Variants in ZNF516 observed in about 807,000 individuals in gnomAD.
ZNF516 encodes the protein zinc finger protein 516.
ZNF516 carries 19 observed loss-of-function variants against 79.7 expected under a neutral mutation model. The observed-to-expected ratio is 0.24, with a 90% CI of 0.17 to 0.35. The LOEUF (loss-of-function observed/expected upper bound fraction) is 0.35, where lower values mean the gene tolerates loss of function less well. Among genes scored for constraint, ZNF516 ranks in the 10% least tolerant of loss-of-function variants. The pLI, the probability that ZNF516 is intolerant of heterozygous loss-of-function variation, is 1.00. For missense variants in ZNF516, 1,678 were observed against 1,679.5 expected (o/e 1.00, Z 0.02); for synonymous variants, 877 against 739.5 (o/e 1.19, Z -3.02).
chr18:76,495,813 C>T, upstream of ZNF516: 2 of 1,029,290 alleles, frequency 1.9e-6, no homozygotes, highest in African/African-American at 3.5e-5. Context: ...CACGGCGTAG[C>T]GTGTGCGTGT....
chr18:76,439,931 C>T (rs1359043171), intron 3 of ZNF516, among the ~76,000 whole-genome samples: 2 of 151,766 alleles, frequency 1.3e-5, no homozygotes, highest in African/African-American at 4.8e-5. Flanking sequence ...GGGGTCAACC[C>T]GGTTTCACAT....
chr18:76,395,067 C>T (rs1469931576), intron 3 of ZNF516, among the ~76,000 whole-genome samples: 1 of 152,206 alleles, frequency 6.6e-6, no homozygotes, highest in African/African-American at 2.4e-5. Context: ...TCAGGCCAGG[C>T]AGGAATATTG....
chr18:76,396,228 A>G (rs1204058088), intron 3 of ZNF516, among the ~76,000 whole-genome samples: 2 of 152,086 alleles, frequency 1.3e-5, no homozygotes, highest in Non-Finnish European at 2.9e-5. Context: ...AAAAAGAAAA[A>G]TCTATGAAAC....
chr18:76,434,021 C>A (rs900722286), intron 3 of ZNF516, among the ~76,000 whole-genome samples: 2 of 151,556 alleles, frequency 1.3e-5, no homozygotes, highest in Non-Finnish European at 3.0e-5. Context: ...CCTTACCCAA[C>A]CCAGCACCTG....
At chr18:76,462,400 A>G (rs1913173508) in intron 2 of ZNF516, among the ~76,000 whole-genome samples, 1 of 152,188 alleles carries the variant, frequency 6.6e-6, no homozygotes. Flanking sequence ...CACTCCTCCA[A>G]CGCCCCTTTA....
rs1419478835 is a variant in ZNF516, at chr18:76,359,127, C to G, written c.*3371G>C. On this transcript the variant is annotated 3_prime_UTR_variant, in exon 7 of 7. Coordinates refer to ENST00000443185, the MANE Select transcript of ZNF516 (RefSeq NM_014643.4). ...AGGGGTGGGGGCCTGTCATACTGGG[C>G]GCTCCTTTCTCTGACGAAGTAACTG... 6.6e-6 allele frequency: 1 copy of G among 152,210 alleles called. No homozygotes were observed. Among genetic ancestry groups the G allele is most frequent in the Non-Finnish European group, 1.5e-5 (1 of 68,050 alleles). The allele number at this position is 152,210 out of a possible 1,614,324, so 9.4% of individuals were successfully genotyped here.
intron 1 of ZNF516, among the ~76,000 whole-genome samples, chr18:76,488,685 A>G (rs1381034597): frequency 2.0e-5 from 3 of 152,256 alleles, no homozygotes; most frequent in Non-Finnish European, 4.4e-5. Context: ...TCAAACATTT[A>G]TAATGCAGAT....
chr18:76,460,746 A>G (rs756839614), intron 2 of ZNF516, among the ~76,000 whole-genome samples: 1 of 152,238 alleles, frequency 6.6e-6, no homozygotes, highest in Non-Finnish European at 1.5e-5. Flanking sequence ...ACCCCGAGAG[A>G]GAGATCACTT....
chr18:76,404,238 G>A (rs2075270191), intron 3 of ZNF516, among the ~76,000 whole-genome samples: 1 of 152,264 alleles, frequency 6.6e-6, no homozygotes, highest in Non-Finnish European at 1.5e-5. Flanking sequence ...GAGCCAGGGG[G>A]GTCCCCAAGG....
chr18:76,462,721 A>G (rs1913199305), intron 2 of ZNF516, among the ~76,000 whole-genome samples: 1 of 151,602 alleles, frequency 6.6e-6, no homozygotes, highest in South Asian at 2.1e-4. Context: ...AAAGGAATGG[A>G]CCCCCCACCC....
chr18:76,402,156 G>A (rs2075239051), intron 3 of ZNF516, among the ~76,000 whole-genome samples: 1 of 152,110 alleles, frequency 6.6e-6, no homozygotes, highest in Admixed American at 6.5e-5. Context: ...ACATCGCCTC[G>A]GTCAACACCA....
intron 1 of ZNF516, among the ~76,000 whole-genome samples, chr18:76,471,930 G>C (rs1019361988): frequency 6.6e-6 from 1 of 152,118 alleles, no homozygotes; most frequent in Admixed American, 6.5e-5. Flanking sequence ...TCCTACCCAG[G>C]ATACAACAGC....
chr18:76,479,055 CAA>C (rs35963834), intron 1 of ZNF516, among the ~76,000 whole-genome samples: 3 of 140,336 alleles, frequency 2.1e-5, no homozygotes, highest in Non-Finnish European at 3.1e-5. Context: ...AGATTCTGTC[CAA>C]AAAAAAAAAA....
intron 6 of ZNF516, among the ~76,000 whole-genome samples, chr18:76,368,001 A>G (rs774543621): frequency 6.6e-6 from 1 of 152,236 alleles, no homozygotes; most frequent in Admixed American, 6.5e-5. Flanking sequence ...CCTAGCATCT[A>G]AAGCCCACAG....
At chr18:76,458,672 CGT>C (rs1307562406) in intron 2 of ZNF516, among the ~76,000 whole-genome samples, 19 of 124,980 alleles carry the variant, frequency 1.5e-4, no homozygotes, top group Non-Finnish European at 2.8e-4. Flanking sequence ...GCCTCACCGT[CGT>C]GTGTGCGTGC....
chr18:76,400,371 A>G (rs2075202415), intron 3 of ZNF516, among the ~76,000 whole-genome samples: 1 of 152,212 alleles, frequency 6.6e-6, no homozygotes, highest in African/African-American at 2.4e-5. Flanking sequence ...GGTAAGACGG[A>G]CTGAATAATT....
intron 5 of ZNF516, among the ~76,000 whole-genome samples, chr18:76,371,021 A>G (rs1015368265): frequency 3.9e-5 from 6 of 152,114 alleles, no homozygotes; most frequent in African/African-American, 1.4e-4. Flanking sequence ...AGCTCTCTAC[A>G]TAAGGGCTGA....
chr18:76,384,220 C>T (rs2074940928), intron 3 of ZNF516, among the ~76,000 whole-genome samples: 1 of 152,026 alleles, frequency 6.6e-6, no homozygotes, highest in Admixed American at 6.5e-5. Flanking sequence ...CAGGACACCC[C>T]CAACAGGTGG....
At chr18:76,463,555 AC>A (rs1383725400) in intron 1 of ZNF516, among the ~76,000 whole-genome samples, 1 of 152,212 alleles carries the variant, frequency 6.6e-6, no homozygotes, top group Non-Finnish European at 1.5e-5. Context: ...CACACTGCCG[AC>A]CGCCAGAAAT....
Sources: allele counts gnomAD v4.1 joint callset (sites outside exome capture counted in the v4.1 genomes callset), GRCh38; gene constraint gnomAD v4.1.1; transcripts MANE v1.5; gene names NCBI Gene and HGNC (gene_info 2026-07-23, HGNC 2026-07-21).